MTUS1: variants seen among roughly 807,000 people sequenced by gnomAD.
MTUS1 encodes the protein microtubule associated scaffold protein 1, also known as microtubule-associated tumor suppressor 1.
In MTUS1, 109 loss-of-function variants were observed where a neutral mutation model predicts 120.8. The observed-to-expected ratio is 0.90, with a 90% confidence interval of 0.77 to 1.06. The LOEUF (loss-of-function observed/expected upper bound fraction) is 1.06. Among genes scored for constraint, MTUS1 ranks in the 50% least tolerant of loss-of-function variants. The probability of loss-of-function intolerance (pLI) is 0.00; values close to 1 mark genes in which losing one functional copy is unlikely to be tolerated. For missense variants in MTUS1, 2,210 were observed against 1,486.3 expected (o/e 1.49, Z -8.01); for synonymous variants, 737 against 550.5 (o/e 1.34, Z -4.74).
intron 1 of MTUS1, among the ~76,000 whole-genome samples, chr8:17,795,733 G>A (rs550153460): frequency 3.9e-5 from 6 of 152,058 alleles, no homozygotes; most frequent in Middle Eastern, 3.4e-3. Flanking sequence ...TCCGCCTCCC[G>A]GGTTCAAGTG....
intron 1 of MTUS1, among the ~76,000 whole-genome samples, chr8:17,776,057 C>A (rs1199229528): frequency 3.3e-5 from 5 of 152,112 alleles, no homozygotes. Context: ...AAACAAACCT[C>A]AGTTAGAATG....
chr8:17,652,978 G>A (rs1807355840), intron 12 of MTUS1, among the ~76,000 whole-genome samples: 1 of 152,142 alleles, frequency 6.6e-6, no homozygotes, highest in Non-Finnish European at 1.5e-5. Context: ...GAAACATCCT[G>A]GACTTCATCC....
chr8:17,796,869 T>G (rs969130513), intron 1 of MTUS1, among the ~76,000 whole-genome samples: 9 of 152,100 alleles, frequency 5.9e-5, no homozygotes, highest in Non-Finnish European at 8.8e-5. Flanking sequence ...ATCCCAGCAT[T>G]TGGGAGGCTG....
chr8:17,705,260 A>T (rs3885163), intron 6 of MTUS1, among the ~76,000 whole-genome samples: 5 of 152,056 alleles, frequency 3.3e-5, no homozygotes, highest in Non-Finnish European at 5.9e-5. Flanking sequence ...TTGGGATTAC[A>T]GGCGTGAGCC....
At chr8:17,790,390 A>G (rs1198101331) in intron 1 of MTUS1, among the ~76,000 whole-genome samples, 1 of 152,030 alleles carries the variant, frequency 6.6e-6, no homozygotes, top group Non-Finnish European at 1.5e-5. Flanking sequence ...AGTAGTTGCT[A>G]TCCAGCATAT....
rs533601033 is a variant in MTUS1 at position 17,728,145 on chromosome 8, G to A, written c.2288-4312C>T. 6.6e-5 allele frequency among the ~76,000 whole-genome samples: 10 copies of A among 152,262 alleles called. 1 individual carries two copies. Among genetic ancestry groups the A allele is most frequent in the African/African-American group, 2.2e-4 (9 of 41,558 alleles). The stretch of plus-strand genomic sequence containing the variant: ...GAATGGCGCTTGCCAGGGGCTGGTG[G>A]GGAAGGGAAATGGGGAGTTGTTCAA... On this transcript the variant is annotated intron_variant, in intron 3 of 14. Coordinates refer to ENST00000693296, the MANE Select transcript of MTUS1 (RefSeq NM_001363059.2).
At chr8:17,765,393 C>T (rs1226001296) in intron 1 of MTUS1, among the ~76,000 whole-genome samples, 1 of 152,048 alleles carries the variant, frequency 6.6e-6, no homozygotes, top group East Asian at 1.9e-4. Flanking sequence ...CTTTGGGAGG[C>T]CGAGGCAGGC....
chr8:17,772,593 C>T (rs1293963712), intron 1 of MTUS1, among the ~76,000 whole-genome samples: 1 of 152,166 alleles, frequency 6.6e-6, no homozygotes, highest in Admixed American at 6.6e-5. Flanking sequence ...GAAACCAGTA[C>T]ATTCAGTACT....
chr8:17,655,632 G>C (rs985713073), intron 9 of MTUS1, among the ~76,000 whole-genome samples: 2 of 152,142 alleles, frequency 1.3e-5, no homozygotes, highest in East Asian at 1.9e-4. Flanking sequence ...GTTGAGGAAG[G>C]AGAATCACTT....
At chr8:17,649,740 ATCTT>A (rs2130073419) in intron 13 of MTUS1, 102 bp downstream of exon 13, 1 of 681,988 alleles carries the variant, frequency 1.5e-6, no homozygotes, top group East Asian at 2.5e-5. Flanking sequence ...ATTTCTAAAT[ATCTT>A]TAGGAGCAGT....
intron 1 of MTUS1, among the ~76,000 whole-genome samples, chr8:17,760,230 CAAAAT>C (rs1249251764): frequency 1.3e-5 from 2 of 151,732 alleles, no homozygotes. Context: ...GAAAACAAAA[CAAAAT>C]AAAACAAATT....
At chr8:17,737,941 G>T (rs542006268) in intron 3 of MTUS1, among the ~76,000 whole-genome samples, 81 of 152,270 alleles carry the variant, frequency 5.3e-4, no homozygotes, top group African/African-American at 1.9e-3. Context: ...GTAATTTGAA[G>T]AAGATTTGAA....
chr8:17,743,199 T>G (rs1197867712), intron 3 of MTUS1, among the ~76,000 whole-genome samples: 1 of 152,116 alleles, frequency 6.6e-6, no homozygotes, highest in African/African-American at 2.4e-5. Context: ...CTATCATACA[T>G]CTTTCAGTAA....
intron 1 of MTUS1, among the ~76,000 whole-genome samples, chr8:17,792,166 C>T (rs1290548653): frequency 6.6e-6 from 1 of 152,120 alleles, no homozygotes; most frequent in Admixed American, 6.5e-5. Flanking sequence ...TAATGGATGT[C>T]ATGGTGGGCA....
intron 2 of MTUS1, among the ~76,000 whole-genome samples, chr8:17,753,284 G>A (rs989843336): frequency 6.6e-6 from 1 of 152,100 alleles, no homozygotes; most frequent in African/African-American, 2.4e-5. Context: ...CTCCGCAAGA[G>A]TCCAGGAGTT....
At chr8:17,770,925 G>A (rs1167152771) in intron 1 of MTUS1, among the ~76,000 whole-genome samples, 1 of 152,214 alleles carries the variant, frequency 6.6e-6, no homozygotes, top group African/African-American at 2.4e-5. Context: ...AGCATTCACT[G>A]TGGCTGGGTG....
intron 9 of MTUS1, 91 bp downstream of exon 9, chr8:17,655,772 A>G (rs1303042242): frequency 8.8e-7 from 1 of 1,136,956 alleles, no homozygotes; most frequent in African/African-American, 1.5e-5. Context: ...TATTAGACTA[A>G]AAAAGAGAAG....
At chr8:17,656,864 G>C (rs1808378214) in intron 8 of MTUS1, among the ~76,000 whole-genome samples, 2 of 151,468 alleles carry the variant, frequency 1.3e-5, no homozygotes, top group Admixed American at 6.6e-5. Flanking sequence ...GAGGTCAGGA[G>C]ATCGAGACCA....
intron 3 of MTUS1, among the ~76,000 whole-genome samples, chr8:17,731,988 G>C (rs879624225): frequency 6.6e-6 from 1 of 152,174 alleles, no homozygotes; most frequent in Non-Finnish European, 1.5e-5. Flanking sequence ...TCAGACATAA[G>C]GACAAGAGGG....
Sources: allele counts gnomAD v4.1 joint callset (sites outside exome capture counted in the v4.1 genomes callset), GRCh38; gene constraint gnomAD v4.1.1; transcripts MANE v1.5; gene names NCBI Gene and HGNC (gene_info 2026-07-23, HGNC 2026-07-21).